The following SLC9A6 variants were observed in gnomAD, a reference collection of about 807,000 sequenced individuals.
SLC9A6 encodes sodium/hydrogen exchanger 6.
In SLC9A6, 6 loss-of-function variants were observed where a neutral mutation model predicts 45.3. That is an observed-to-expected ratio of 0.13 (90% confidence interval 0.07 to 0.26). SLC9A6 has a LOEUF of 0.26. SLC9A6 is among the 10% of genes least tolerant of loss of function. The pLI is 1.00. For synonymous variants in SLC9A6, 191 were observed against 187.7 expected (o/e 1.02, Z -0.14); for missense variants, 278 against 503.7 (o/e 0.55, Z 4.29).
upstream of SLC9A6, among the ~76,000 whole-genome samples, chrX:135,981,188 G>A (rs2148126046): frequency 8.9e-6 from 1 of 111,956 alleles, no homozygotes; most frequent in South Asian, 3.7e-4. Flanking sequence ...TGTACAGGAA[G>A]CATGACTTGG....
chrX:136,002,063 T>C, intron 6 of SLC9A6, 45 bp from the exon 7 acceptor site: 1 of 848,254 alleles, frequency 1.2e-6, no homozygotes, highest in East Asian at 3.1e-5. Flanking sequence ...GAATATGTTA[T>C]ATTTGTAATG....
chrX:135,995,387 A>G (rs2089483658), intron 3 of SLC9A6, among the ~76,000 whole-genome samples: 1 of 111,196 alleles, frequency 9.0e-6, no homozygotes, highest in African/African-American at 3.3e-5. Flanking sequence ...CAGTGGCATG[A>G]TCTTGGCTCA....
At chrX:136,015,528 G>A (rs1431703664) in intron 10 of SLC9A6, among the ~76,000 whole-genome samples, 2 of 111,422 alleles carry the variant, frequency 1.8e-5, no homozygotes, top group Non-Finnish European at 3.8e-5. Flanking sequence ...TTTGAAAATG[G>A]AGATAATAAT....
rs782772247 is a variant in SLC9A6, at chrX:136,016,721, A to G, written c.1157A>G (p.Asn386Ser). The G allele has an allele frequency of 4.2e-6, 5 of 1,180,860 alleles. No homozygotes were observed. The highest frequency in any genetic ancestry group is 2.2e-5 in the Admixed American group (1 of 45,375). The change falls in exon 11 of 18, where the codon AAC (asparagine) becomes AGC (serine). Residue 386 changes from asparagine (N) to serine (S), a missense_variant. Around this residue, in one of 5 missense-constraint regions of SLC9A6, gnomAD observed 41 missense variants for 51.8 expected, o/e 0.79. Coordinates refer to ENST00000630721, the MANE Select transcript of SLC9A6 (RefSeq NM_001379110.1). ...GGGCTGACACTGTTCACCTTCCAGA[A>G]CCATGTCTTTAACCCAACATTTGTA... Reference protein sequence around the residue: ...YMGLTLFTFQNHVFNPTFVVG... With the variant: ...YMGLTLFTFQSHVFNPTFVVG...
At chrX:136,038,424 A>G (rs1603222549) in intron 16 of SLC9A6, among the ~76,000 whole-genome samples, 1 of 112,013 alleles carries the variant, frequency 8.9e-6, no homozygotes, top group South Asian at 3.6e-4. Context: ...CTTTGTGTAT[A>G]TCTCTGGATT....
At chrX:135,994,262 G>A (rs1247228234) in intron 2 of SLC9A6, among the ~76,000 whole-genome samples, 2 of 109,192 alleles carry the variant, frequency 1.8e-5, no homozygotes, top group Admixed American at 9.8e-5. Flanking sequence ...CCGCCACCAC[G>A]CCCGGCTGAT....
At position 136,044,571 on chromosome X, in the gene SLC9A6, A is replaced by G. The variant is rs782350079; in HGVS notation, c.1887A>G (p.Arg629=). The part of the protein sequence containing the change: ...TEPATSSAPR[R]FMGNSSEDAL... The stretch of plus-strand genomic sequence containing the variant: ...CGGCCACATCCAGCGCCCCAAGGAG[A>G]TTTATGGGAAACAGTTCTGAAGATG... The change falls in exon 18 of 18, where the codon AGA becomes AGG. Residue 629 remains arginine, a synonymous_variant. Coordinates refer to ENST00000630721, the MANE Select transcript of SLC9A6 (RefSeq NM_001379110.1). 9.1e-6 allele frequency: 11 copies of G among 1,209,435 alleles called. No homozygotes were observed. In the South Asian group the frequency reaches 1.8e-4, roughly 19 times the overall value.
chrX:136,033,161 C>T (rs1413767078), intron 15 of SLC9A6: 1 of 238,641 alleles, frequency 4.2e-6, no homozygotes, highest in Non-Finnish European at 7.7e-6. Flanking sequence ...CACACCCGGC[C>T]CCCACATTGA....
intron 3 of SLC9A6, 43 bp downstream of exon 3, chrX:135,995,028 C>T: frequency 1.1e-6 from 1 of 883,093 alleles, no homozygotes; most frequent in Non-Finnish European, 1.7e-6. Flanking sequence ...TTGTGTCTAA[C>T]TAGCAGCAAA....
chrX:136,034,889 G>A (rs1337703642), intron 16 of SLC9A6, among the ~76,000 whole-genome samples: 5 of 111,712 alleles, frequency 4.5e-5, no homozygotes, highest in Non-Finnish European at 1.9e-5. Context: ...TTGGATATAA[G>A]CCACTCTCAT....
chrX:135,997,646 GATCCGCCC>G (rs202015876), intron 3 of SLC9A6, among the ~76,000 whole-genome samples: 7,701 of 106,737 alleles, frequency 0.072, 320 homozygotes, highest in African/African-American at 0.15. Flanking sequence ...GGCTTCAGGT[GATCCGCCC>G]ATCCGCCCAC....
exon 1 of SLC9A6, chrX:135,974,699 C>T (rs781980159): frequency 2.9e-5 from 10 of 339,622 alleles, no homozygotes; most frequent in South Asian, 2.1e-4. Flanking sequence ...GGTGTTAAAA[C>T]GAGGAGGCAG....
chrX:136,036,023 A>G (rs1165400507), intron 16 of SLC9A6, among the ~76,000 whole-genome samples: 7 of 109,396 alleles, frequency 6.4e-5, no homozygotes, highest in Non-Finnish European at 1.1e-4. Context: ...CAGCCTCCCA[A>G]AGTGCTGGAA....
chrX:135,998,677 C>A, intron 5 of SLC9A6, 119 bp downstream of exon 5: 2 of 647,685 alleles, frequency 3.1e-6, no homozygotes, highest in South Asian at 2.5e-5. Context: ...TTGCAATATT[C>A]ACGTAGGTAA....
At chrX:135,973,992 G>C, upstream of SLC9A6, 1 of 922,952 alleles carries the variant, frequency 1.1e-6, no homozygotes, top group Non-Finnish European at 1.4e-6. Flanking sequence ...CGAAGAGGAA[G>C]GGCGCCGGCA....
intron 7 of SLC9A6, among the ~76,000 whole-genome samples, chrX:136,008,861 A>G: frequency 8.9e-6 from 1 of 112,222 alleles, no homozygotes; most frequent in Non-Finnish European, 1.9e-5. Flanking sequence ...CCTAAGAGAG[A>G]ACAAAACGAG....
intron 10 of SLC9A6, among the ~76,000 whole-genome samples, chrX:136,014,264 G>A (rs2070976543): frequency 8.9e-6 from 1 of 112,344 alleles, no homozygotes; most frequent in African/African-American, 3.2e-5. Context: ...TTCTTCTTCC[G>A]GCTAGAGCCA....
chrX:136,042,471 C>T lies in SLC9A6; in HGVS notation c.1768-1981C>T, dbSNP rs192534424. On this transcript the variant is annotated intron_variant, in intron 17 of 17. Coordinates refer to ENST00000630721, the MANE Select transcript of SLC9A6 (RefSeq NM_001379110.1). The stretch of plus-strand genomic sequence containing the variant: ...GGGATTACAGGCATGAGCCACTGCA[C>T]CTGGCCCAAACGTAATTTTTTATAT... Among the ~76,000 whole-genome samples, 5 of 112,180 alleles carry T rather than the reference C, an allele frequency of 4.5e-5. No homozygotes were observed. In the East Asian group the frequency reaches 1.1e-3, roughly 25 times the overall value.
chrX:135,981,781 G>A (rs1027935989), upstream of SLC9A6, among the ~76,000 whole-genome samples: 4 of 112,353 alleles, frequency 3.6e-5, no homozygotes, highest in Non-Finnish European at 7.5e-5. Flanking sequence ...AAGGCAGGGG[G>A]CATTAGAGGA....
Sources: gnomAD v4.1 joint callset for allele counts (sites outside exome capture counted in the v4.1 genomes callset) on GRCh38, gnomAD v4.1.1 for gene constraint, gnomAD v4.1.1 regional missense constraint, MANE v1.5 for transcripts, NCBI Gene and HGNC (gene_info 2026-07-23, HGNC 2026-07-21) for gene names.